Variants in UGGT2 observed in about 807,000 individuals in gnomAD.
The protein encoded by UGGT2 is UDP-glucose glycoprotein glucosyltransferase 2, also known as UDP-glucose:glycoprotein glucosyltransferase 2.
UGGT2 carries 180 observed loss-of-function variants against 192.1 expected under a neutral mutation model. The ratio of observed to expected loss-of-function variants is 0.94; its 90% confidence interval spans 0.83 to 1.06. UGGT2 has a LOEUF of 1.06. Among genes scored for constraint, UGGT2 ranks in the 50% least tolerant of loss-of-function variants. UGGT2 has a pLI of 0.00. For synonymous variants in UGGT2, 580 were observed against 591.0 expected (o/e 0.98, Z 0.27); for missense variants, 1,849 against 1,795.7 (o/e 1.03, Z -0.54).
intron 2 of UGGT2, among the ~76,000 whole-genome samples, chr13:96,031,045 A>C (rs538777635): frequency 6.6e-6 from 1 of 152,162 alleles, no homozygotes; most frequent in Non-Finnish European, 1.5e-5. Flanking sequence ...TAAACTATGG[A>C]CCTTGCGTAT....
chr13:95,922,785 T>C (rs2048887749), intron 20 of UGGT2, among the ~76,000 whole-genome samples: 1 of 152,078 alleles, frequency 6.6e-6, no homozygotes, highest in African/African-American at 2.4e-5. Flanking sequence ...ATCACACCAT[T>C]GTACTCCAGC....
chr13:95,898,989 C>T (rs9590340), intron 22 of UGGT2, among the ~76,000 whole-genome samples: 8,192 of 152,256 alleles, frequency 0.054, 349 homozygotes, highest in East Asian at 0.14. Context: ...GTGGCCAGTG[C>T]GATAGCACTG....
At chr13:96,004,750 AATTT>A (rs768326229) in intron 5 of UGGT2, among the ~76,000 whole-genome samples, 5 of 151,702 alleles carry the variant, frequency 3.3e-5, no homozygotes, top group Non-Finnish European at 7.4e-5. Flanking sequence ...CCAAAAAAAT[AATTT>A]ATTGTATGTT....
chr13:95,840,986 T>C (rs1243068777), intron 36 of UGGT2, among the ~76,000 whole-genome samples: 2 of 151,794 alleles, frequency 1.3e-5, no homozygotes, highest in African/African-American at 4.8e-5. Context: ...CACTCATAAG[T>C]GGGAGTTGAA....
chr13:95,876,496 G>C (rs1454694616), intron 29 of UGGT2, among the ~76,000 whole-genome samples: 5 of 152,090 alleles, frequency 3.3e-5, no homozygotes, highest in African/African-American at 1.2e-4. Flanking sequence ...TCAGTCTTCT[G>C]GTACCAGCAT....
chr13:95,866,433 A>T (rs1890659657), intron 30 of UGGT2, among the ~76,000 whole-genome samples: 1 of 152,166 alleles, frequency 6.6e-6, no homozygotes, highest in Non-Finnish European at 1.5e-5. Context: ...TTTGATTTGC[A>T]GCTTAGGCTA....
intron 6 of UGGT2, among the ~76,000 whole-genome samples, chr13:95,996,615 G>A (rs556187373): frequency 6.6e-6 from 1 of 152,170 alleles, no homozygotes; most frequent in South Asian, 2.1e-4. Flanking sequence ...ACATTCCTAA[G>A]TGTGAGCTAT....
rs1023390069 is a variant in UGGT2 at position 95,929,022 on chromosome 13, G to A, written c.1978-1686C>T. On this transcript the variant is annotated intron_variant, in intron 17 of 38. Coordinates refer to ENST00000376747, the MANE Select transcript of UGGT2 (RefSeq NM_020121.4). ...AGCCCGGCCAACACAGCGAAACCCCGTCTCCACCAAAAAATACGAAAACCA... is the reference window on the plus strand; with the variant it reads ...AGCCCGGCCAACACAGCGAAACCCCATCTCCACCAAAAAATACGAAAACCA... Among the ~76,000 whole-genome samples the A allele has an allele frequency of 5.3e-5, 8 of 152,098 alleles. No homozygotes were observed. In the South Asian group the frequency reaches 6.2e-4, roughly 12 times the overall value.
At chr13:96,042,397 G>A (rs1014466375) in intron 1 of UGGT2, among the ~76,000 whole-genome samples, 1 of 152,148 alleles carries the variant, frequency 6.6e-6, no homozygotes, top group African/African-American at 2.4e-5. Flanking sequence ...CCCTCTGACA[G>A]AGCCTACCCA....
In UGGT2 at chr13:95,853,460, A is replaced by G. The variant is rs889567709; in HGVS notation, c.4284+83T>C. 25 of 1,085,674 alleles carry G rather than the reference A, an allele frequency of 2.3e-5. No individual in the cohort carries two copies. The East Asian group carries it at 5.3e-4, about 23-fold the overall frequency. 67.3% of individuals were successfully genotyped at this position (1,085,674 alleles called of 1,614,324 possible). On this transcript the variant is annotated intron_variant, in intron 36 of 38. Transcript: ENST00000376747. Reference sequence around the variant, plus strand: ...AGTAAATTGAGAAAAAACTCAAAATATAAGACTTTAAAGTTTATGAGCACG... The same window carrying G: ...AGTAAATTGAGAAAAAACTCAAAATGTAAGACTTTAAAGTTTATGAGCACG...
chr13:95,946,188 CTT>C (rs763131458), intron 15 of UGGT2, among the ~76,000 whole-genome samples: 1 of 152,276 alleles, frequency 6.6e-6, no homozygotes, highest in South Asian at 2.1e-4. Context: ...CTTACTATCT[CTT>C]GTTCTTCCTT....
chr13:95,977,907 C>T (rs2050989836), intron 10 of UGGT2, among the ~76,000 whole-genome samples: 1 of 152,138 alleles, frequency 6.6e-6, no homozygotes, highest in Non-Finnish European at 1.5e-5. Context: ...ATGGATGAAG[C>T]TAGAAGCCAT....
chr13:95,891,438 T>G (rs1215244335), intron 24 of UGGT2, among the ~76,000 whole-genome samples: 5 of 152,126 alleles, frequency 3.3e-5, no homozygotes, highest in Non-Finnish European at 7.4e-5. Flanking sequence ...TCATACTTTA[T>G]TTTGATCCCA....
In UGGT2 at chr13:95,983,856, G is replaced by T. The variant is rs757049371; in HGVS notation, c.1040C>A (p.Thr347Asn). The change falls in exon 10 of 39, where the codon ACC becomes AAC. Residue 347 changes from threonine (T) to asparagine (N), a missense_variant. Physicochemically the swap from Thr to Asn is moderately conservative, Grantham distance 65. Transcript: ENST00000376747. ...QNFPIKARSLTRIAVNQHMRE... is the reference protein window; with the variant it reads ...QNFPIKARSLNRIAVNQHMRE... ...CATATGTTGATTTACAGCAATTCTG[G>T]TTAGAGATCTGGAAAAATGAATACT... 5 of 1,565,036 alleles carry T rather than the reference G, an allele frequency of 3.2e-6. No homozygotes were observed. The highest frequency in any genetic ancestry group is 1.7e-4 in the Middle Eastern group (1 of 5,878).
chr13:95,827,171 T>C (rs1449092903), intron 38 of UGGT2, among the ~76,000 whole-genome samples: 1 of 152,156 alleles, frequency 6.6e-6, no homozygotes, highest in African/African-American at 2.4e-5. Flanking sequence ...GAAATACTAA[T>C]GGCCTTTAAA....
chr13:95,927,849 T>C (rs950641595), intron 17 of UGGT2, among the ~76,000 whole-genome samples: 2 of 152,168 alleles, frequency 1.3e-5, no homozygotes, highest in African/African-American at 2.4e-5. Flanking sequence ...TACTTGAGAT[T>C]CGGGAGTGGT....
intron 35 of UGGT2, 147 bp from the exon 36 acceptor site, chr13:95,853,804 A>C: frequency 1.9e-6 from 1 of 533,144 alleles, no homozygotes; most frequent in Non-Finnish European, 3.1e-6. Context: ...TTTGCTCCTA[A>C]TATCTAATAC....
At chr13:95,821,721 CTTGAG>C (rs113300162) in intron 38 of UGGT2, among the ~76,000 whole-genome samples, 18,285 of 152,054 alleles carry the variant, frequency 0.12, 1,538 homozygotes, top group East Asian at 0.33. Flanking sequence ...TTTGAGCCAT[CTTGAG>C]TTAATTTTTG....
chr13:95,873,424 A>G (rs745686278), intron 29 of UGGT2, among the ~76,000 whole-genome samples: 13 of 152,242 alleles, frequency 8.5e-5, no homozygotes, highest in Admixed American at 3.3e-4. Flanking sequence ...AGGTTGCTGC[A>G]TAGGCATTAG....
Sources: gnomAD v4.1 joint callset for allele counts (sites outside exome capture counted in the v4.1 genomes callset) on GRCh38, gnomAD v4.1.1 for gene constraint, MANE v1.5 for transcripts, NCBI Gene and HGNC (gene_info 2026-07-23, HGNC 2026-07-21) for gene names.